WRN: variants seen among roughly 807,000 people sequenced by gnomAD.
WRN encodes WRN RecQ like helicase.
Under a neutral mutation model 180.7 loss-of-function variants are expected in WRN, and 149 were observed. That is an observed-to-expected ratio of 0.82 (90% CI 0.72 to 0.94). The LOEUF is 0.94. WRN is among the 40% of genes least tolerant of loss of function. The probability of loss-of-function intolerance (pLI) is 0.00; values close to 1 mark genes in which losing one functional copy is unlikely to be tolerated. For synonymous variants in WRN, 548 were observed against 568.9 expected (o/e 0.96, Z 0.52); for missense variants, 1,661 against 1,700.1 (o/e 0.98, Z 0.40).
In WRN at chr8:31,059,165, AAG is replaced by A. The variant is rs1812387319; in HGVS notation, c.112_113del (p.Ser38CysfsTer3). The A allele has an allele frequency of 6.2e-7, 1 of 1,613,626 alleles. No individual in the cohort carries two copies. Among genetic ancestry groups the A allele is most frequent in the South Asian group, 1.1e-5 (1 of 91,070 alleles). On this transcript the variant is annotated frameshift_variant, in exon 3 of 35. Transcript: ENST00000298139. LOFTEE classifies it high-confidence loss of function. ...TACTAAACTCAAGGCATGTGTTCGG[AAG>A]AGTGTTTTTGAAGATGACCTCCCCT... is the stretch of plus-strand genomic sequence containing the variant. ...AVEERKACVR[K>X]SVFEDDLPFL...
chr8:31,137,058 G>GT lies in WRN; in HGVS notation c.2968-4357dup, dbSNP rs11324825. Among the ~76,000 whole-genome samples, 647 of 135,882 alleles carry GT rather than the reference G, an allele frequency of 4.8e-3. 3 individuals are homozygous for GT. Among genetic ancestry groups the GT allele is most frequent in the South Asian group, 0.022 (96 of 4,296 alleles). The allele number at this position is 135,882 out of a possible 152,430, so 89.1% of individuals were successfully genotyped here. A position where few individuals can be genotyped will look rare whatever the true frequency, so the allele number is the denominator to read the frequency against. ...TCTTACTGTACTCTGTTTTAATTCT[G>GT]TTTTTTTTTTTTTTTAATGTTACTT... is the stretch of plus-strand genomic sequence containing the variant. On this transcript the variant is annotated intron_variant, in intron 24 of 34. Coordinates refer to ENST00000298139, the MANE Select transcript of WRN (RefSeq NM_000553.6).
intron 31 of WRN, among the ~76,000 whole-genome samples, chr8:31,151,180 A>C (rs960377345): frequency 6.6e-6 from 1 of 152,174 alleles, no homozygotes; most frequent in African/African-American, 2.4e-5. Flanking sequence ...TTCCTCAGCT[A>C]TACAATGGAA....
chr8:31,160,641 C>T (rs1197886713), intron 33 of WRN, among the ~76,000 whole-genome samples: 1 of 152,116 alleles, frequency 6.6e-6, no homozygotes, highest in Non-Finnish European at 1.5e-5. Context: ...GGGCTTAAAG[C>T]AATTTGCATC....
At chr8:31,063,060 C>G (rs1812553598) in intron 3 of WRN, among the ~76,000 whole-genome samples, 1 of 152,100 alleles carries the variant, frequency 6.6e-6, no homozygotes, top group African/African-American at 2.4e-5. Context: ...TTTTGAACTC[C>G]TGGCTTCTAG....
rs184199608 is a variant in WRN, at chr8:31,112,398, A to T, written c.2273+599A>T. On this transcript the variant is annotated intron_variant, in intron 19 of 34. Coordinates refer to ENST00000298139, the MANE Select transcript of WRN (RefSeq NM_000553.6). ...GTGGAGCCTGTATTGTGTTCCAAGG[A>T]CTATTGTAGGCGCTTTCTATATAAA... is the stretch of plus-strand genomic sequence containing the variant. 8.2e-4 allele frequency among the ~76,000 whole-genome samples: 125 copies of T among 152,300 alleles called. 1 individual carries two copies. The highest frequency in any genetic ancestry group is 2.8e-3 in the African/African-American group (117 of 41,556).
chr8:31,122,633 G>A (rs1026438348), intron 21 of WRN, among the ~76,000 whole-genome samples: 6 of 151,876 alleles, frequency 4.0e-5, no homozygotes, highest in Admixed American at 6.6e-5. Flanking sequence ...GCCATGAATG[G>A]TTTAGAATTT....
chr8:31,050,175 G>T (rs1812030270), intron 1 of WRN, among the ~76,000 whole-genome samples: 1 of 152,102 alleles, frequency 6.6e-6, no homozygotes, highest in Non-Finnish European at 1.5e-5. Flanking sequence ...GACAACATTG[G>T]TTCAGAGAGA....
intron 18 of WRN, among the ~76,000 whole-genome samples, chr8:31,111,366 A>G (rs1801308225): frequency 6.6e-6 from 1 of 152,238 alleles, no homozygotes; most frequent in African/African-American, 2.4e-5. Context: ...AGTAAATGGC[A>G]TTTGGAAACC....
chr8:31,158,153 C>G (rs1285584214), intron 33 of WRN, among the ~76,000 whole-genome samples: 1 of 152,094 alleles, frequency 6.6e-6, no homozygotes, highest in African/African-American at 2.4e-5. Flanking sequence ...TATTTTTCTC[C>G]ACATTCATTC....
Position 31,167,053 on chromosome 8 carries a change from A to AT in WRN, c.4014_4015insT (p.Val1339CysfsTer3). The AT allele has an allele frequency of 6.2e-7, 1 of 1,613,242 alleles. No homozygotes were observed. The highest frequency in any genetic ancestry group is 8.5e-7 in the Non-Finnish European group (1 of 1,179,400). ...GTAAAATTAGCCTAATCAGAATGTT[A>AT]GTTCCTGAAAACATTGACACGTACC... On this transcript the variant is annotated frameshift_variant, in exon 34 of 35. Coordinates refer to ENST00000298139, the MANE Select transcript of WRN (RefSeq NM_000553.6). LOFTEE classifies it high-confidence loss of function.
chr8:31,090,188 A>C (rs1184291377), intron 13 of WRN, among the ~76,000 whole-genome samples: 1 of 150,326 alleles, frequency 6.7e-6, no homozygotes, highest in Non-Finnish European at 1.5e-5. Flanking sequence ...TAAAGTATTG[A>C]TTCTTTTGGA....
intron 27 of WRN, among the ~76,000 whole-genome samples, chr8:31,143,056 T>TTCTC (rs386724139): frequency 6.5e-4 from 75 of 115,632 alleles, no homozygotes; most frequent in African/African-American, 1.6e-3. Context: ...CACACACACA[T>TTCTC]TCTCTCTCTC....
chr8:31,100,332 A>G (rs899142204), intron 17 of WRN, among the ~76,000 whole-genome samples: 1 of 152,164 alleles, frequency 6.6e-6, no homozygotes, highest in Non-Finnish European at 1.5e-5. Flanking sequence ...CTCCCATACC[A>G]TTTTACATTA....
In WRN at chr8:31,175,738, GA is replaced by G. The variant is rs1430907186; in HGVS notation, c.*2638del. On this transcript the variant is annotated 3_prime_UTR_variant, in exon 35 of 35. Coordinates refer to ENST00000298139, the MANE Select transcript of WRN (RefSeq NM_000553.6). ...CCAAAACAGCATATCAAAATGGATT[GA>G]ATGCAGAAGTAGATCTGAGAATACA... 6.6e-6 allele frequency among the ~76,000 whole-genome samples: 1 copy of G among 152,178 alleles called. No individual in the cohort carries two copies. Among genetic ancestry groups the G allele is most frequent in the Non-Finnish European group, 1.5e-5 (1 of 68,036 alleles).
At chr8:31,042,860 A>G (rs1268197029) in intron 1 of WRN, among the ~76,000 whole-genome samples, 1 of 152,220 alleles carries the variant, frequency 6.6e-6, no homozygotes, top group Non-Finnish European at 1.5e-5. Flanking sequence ...TGAAATTCGC[A>G]AGCAACCTAA....
chr8:31,056,554 G>A (rs940190967), intron 1 of WRN, among the ~76,000 whole-genome samples: 1 of 152,186 alleles, frequency 6.6e-6, no homozygotes, highest in African/African-American at 2.4e-5. Flanking sequence ...ATATAGGCAA[G>A]CACCAATTGC....
intron 15 of WRN, 137 bp from the exon 16 acceptor site, chr8:31,091,692 GT>G (rs1452709024): frequency 2.6e-5 from 22 of 833,566 alleles, no homozygotes; most frequent in Non-Finnish European, 4.2e-5. Flanking sequence ...TGCTTATCAA[GT>G]TAGTAAGTGA....
At chr8:31,061,488 T>G (rs1812481443) in intron 3 of WRN, among the ~76,000 whole-genome samples, 1 of 151,848 alleles carries the variant, frequency 6.6e-6, no homozygotes, top group Non-Finnish European at 1.5e-5. Context: ...TTTCTCCTGA[T>G]TATGGGTTAT....
At position 31,124,522 on chromosome 8, in the gene WRN, G is replaced by A; in HGVS notation, c.2631G>A (p.Arg877=). 7.5e-6 allele frequency: 12 copies of A among 1,610,538 alleles called. No individual in the cohort carries two copies. Among genetic ancestry groups the A allele is most frequent in the Non-Finnish European group, 1.0e-5 (12 of 1,177,320 alleles). The change falls in exon 22 of 35, where the codon AGG becomes AGA. Residue 877 remains arginine, a splice_region_variant and synonymous_variant. Coordinates refer to ENST00000298139, the MANE Select transcript of WRN (RefSeq NM_000553.6). ...TTCCTGTGATGTTTTTAATCGACAG[G>A]CACCTTCTTACTGAGATACGTAATG... ...LWAPADINLN[R]HLLTEIRNEK...
Sources: gnomAD v4.1 joint callset for allele counts (sites outside exome capture counted in the v4.1 genomes callset) on GRCh38, gnomAD v4.1.1 for gene constraint, MANE v1.5 for transcripts, NCBI Gene and HGNC (gene_info 2026-07-23, HGNC 2026-07-21) for gene names.